Variants in NTRK2 observed in about 807,000 individuals in gnomAD.
NTRK2 encodes the protein BDNF/NT-3 growth factors receptor.
Under a neutral mutation model 94.5 loss-of-function variants are expected in NTRK2, and 13 were observed. The observed-to-expected ratio is 0.14, with a 90% confidence interval of 0.09 to 0.22. The LOEUF (loss-of-function observed/expected upper bound fraction) is 0.22. Ranked by LOEUF, NTRK2 falls within the 10% of genes least tolerant of loss-of-function variation. NTRK2 has a pLI of 1.00. For missense variants in NTRK2, 639 were observed against 1,071.2 expected (o/e 0.60, Z 5.63); for synonymous variants, 372 against 407.4 (o/e 0.91, Z 1.05).
intron 14 of NTRK2, among the ~76,000 whole-genome samples, chr9:84,930,719 C>T (rs193118041): frequency 1.6e-4 from 24 of 152,184 alleles, no homozygotes; most frequent in East Asian, 9.7e-4. Context: ...GGGGCATAAG[C>T]GATCCACATT....
chr9:84,752,570 C>T (rs2064729582), intron 12 of NTRK2, among the ~76,000 whole-genome samples: 1 of 152,080 alleles, frequency 6.6e-6, no homozygotes, highest in Admixed American at 6.5e-5. Context: ...ATAAGAACAG[C>T]TATCAGCAGT....
intron 12 of NTRK2, among the ~76,000 whole-genome samples, chr9:84,788,853 C>T (rs1036329892): frequency 6.6e-6 from 1 of 152,066 alleles, no homozygotes; most frequent in Non-Finnish European, 1.5e-5. Flanking sequence ...GGCTACCTCC[C>T]AGGCAGTGAG....
chr9:84,815,518 GTT>G (rs1267449952), intron 12 of NTRK2: 189 of 939,464 alleles, frequency 2.0e-4, no homozygotes, highest in East Asian at 2.9e-4. Flanking sequence ...CTCATGCCCT[GTT>G]TTTTTTTTTT....
intron 14 of NTRK2, among the ~76,000 whole-genome samples, chr9:84,915,335 A>G (rs1299908445): frequency 6.6e-6 from 1 of 152,056 alleles, no homozygotes; most frequent in Non-Finnish European, 1.5e-5. Flanking sequence ...CTGGTGAGAG[A>G]TGTTTGGACT....
At chr9:84,818,388 A>C (rs750986900) in intron 12 of NTRK2, among the ~76,000 whole-genome samples, 1 of 152,216 alleles carries the variant, frequency 6.6e-6, no homozygotes, top group Non-Finnish European at 1.5e-5. Flanking sequence ...TAGCACTGGC[A>C]GTTGTGTTAT....
rs146228868 is a variant in NTRK2 at position 84,960,390 on chromosome 9, G to T, written c.2172+4873G>T. On this transcript the variant is annotated intron_variant, in intron 17 of 18. Transcript: ENST00000277120. ...AGTCCTGAGCCACAGAAGGGAGAAGGTTTAGTAATTTAAGAACTGGCCAAG... is the reference window on the plus strand; with the variant it reads ...AGTCCTGAGCCACAGAAGGGAGAAGTTTTAGTAATTTAAGAACTGGCCAAG... Among the ~76,000 whole-genome samples, 444 of 152,314 alleles carry T rather than the reference G, an allele frequency of 2.9e-3. 1 individual carries two copies. Among genetic ancestry groups the T allele is most frequent in the Non-Finnish European group, 5.1e-3 (350 of 68,032 alleles).
chr9:84,701,397 G>A (rs2060709103), intron 2 of NTRK2, among the ~76,000 whole-genome samples: 1 of 152,102 alleles, frequency 6.6e-6, no homozygotes, highest in African/African-American at 2.4e-5. Context: ...CTCTTCCCCA[G>A]CATTCATTTA....
chr9:84,738,879 A>C (rs1466837206), intron 9 of NTRK2, among the ~76,000 whole-genome samples: 2 of 152,190 alleles, frequency 1.3e-5, no homozygotes, highest in Admixed American at 6.5e-5. Flanking sequence ...GTAAAGTGAC[A>C]GTACTTGTCA....
chr9:84,690,671 A>G (rs2059995342), intron 2 of NTRK2, among the ~76,000 whole-genome samples: 1 of 152,102 alleles, frequency 6.6e-6, no homozygotes, highest in African/African-American at 2.4e-5. Flanking sequence ...GTGAGCCAAG[A>G]TCACGCCACT....
At chr9:84,802,929 C>A (rs1321754051) in intron 12 of NTRK2, among the ~76,000 whole-genome samples, 1 of 152,168 alleles carries the variant, frequency 6.6e-6, no homozygotes, top group Non-Finnish European at 1.5e-5. Context: ...ATTCAGGGAT[C>A]TGCCCTTATA....
Position 84,715,269 on chromosome 9 carries a change from T to C in NTRK2, c.583+4478T>C, listed in dbSNP as rs187398540. ...ACTTACATACATTATTTTAGCCAAA[T>C]TATTCTATAGTTTAGTATTTTTTCA... On this transcript the variant is annotated intron_variant, in intron 6 of 18. Transcript: ENST00000277120. Among the ~76,000 whole-genome samples, 377 of 152,312 alleles carry C rather than the reference T, an allele frequency of 2.5e-3. 1 individual carries two copies. The highest frequency in any genetic ancestry group is 8.7e-3 in the African/African-American group (361 of 41,580).
chr9:84,999,306 A>G (rs183254963), intron 17 of NTRK2, among the ~76,000 whole-genome samples: 4 of 152,242 alleles, frequency 2.6e-5, no homozygotes, highest in African/African-American at 9.6e-5. Context: ...ACTCCTTCCC[A>G]TCAGTAAGTT....
intron 12 of NTRK2, among the ~76,000 whole-genome samples, chr9:84,786,457 A>G (rs1232340396): frequency 6.6e-6 from 1 of 152,072 alleles, no homozygotes; most frequent in East Asian, 1.9e-4. Flanking sequence ...ATTATTATTT[A>G]TTTTAATTAT....
chr9:84,751,009 T>C (rs1485232980), intron 11 of NTRK2, among the ~76,000 whole-genome samples: 2 of 152,200 alleles, frequency 1.3e-5, no homozygotes, highest in Non-Finnish European at 2.9e-5. Flanking sequence ...GGCAATTACA[T>C]TTTTAAACTT....
intron 12 of NTRK2, among the ~76,000 whole-genome samples, chr9:84,783,730 T>C (rs2067844097): frequency 6.6e-6 from 1 of 151,664 alleles, no homozygotes; most frequent in African/African-American, 2.4e-5. Context: ...TGTAAGAAAA[T>C]GTGTGGCATT....
chr9:84,900,416 A>C (rs2076891900), intron 14 of NTRK2, among the ~76,000 whole-genome samples: 1 of 152,140 alleles, frequency 6.6e-6, no homozygotes, highest in South Asian at 2.1e-4. Context: ...TTCTGTGTGC[A>C]TTCACAGGGT....
At chr9:84,674,266 G>C (rs1006423705) in intron 2 of NTRK2, among the ~76,000 whole-genome samples, 3 of 151,978 alleles carry the variant, frequency 2.0e-5, no homozygotes, top group African/African-American at 7.3e-5. Flanking sequence ...TTTCTCCAGT[G>C]GTATTCTCTG....
chr9:84,989,890 C>T (rs963729872), intron 17 of NTRK2, among the ~76,000 whole-genome samples: 3 of 152,244 alleles, frequency 2.0e-5, no homozygotes, highest in Non-Finnish European at 4.4e-5. Flanking sequence ...TTTTTTCAAA[C>T]CCAGGCAGTC....
At chr9:85,014,041 C>T (rs530398991) in intron 17 of NTRK2, among the ~76,000 whole-genome samples, 67 of 152,276 alleles carry the variant, frequency 4.4e-4, no homozygotes, top group African/African-American at 1.5e-3. Context: ...CAATGTGCCT[C>T]TCAGAAGCAC....
Sources: allele counts gnomAD v4.1 joint callset (sites outside exome capture counted in the v4.1 genomes callset), GRCh38; gene constraint gnomAD v4.1.1; transcripts MANE v1.5; gene names NCBI Gene and HGNC (gene_info 2026-07-23, HGNC 2026-07-21).